Variants in EYA2 observed in about 807,000 individuals in gnomAD.
The protein encoded by EYA2 is protein phosphatase EYA2.
A neutral mutation model predicts 69.2 loss-of-function variants in EYA2; 31 were observed. The ratio of observed to expected loss-of-function variants is 0.45; its 90% CI spans 0.34 to 0.60. The LOEUF is 0.60. Among genes scored for constraint, EYA2 ranks in the 20% least tolerant of loss-of-function variants. EYA2 has a pLI of 0.02. For synonymous variants in EYA2, 257 were observed against 279.4 expected (o/e 0.92, Z 0.80); for missense variants, 622 against 701.2 (o/e 0.89, Z 1.28).
intron 5 of EYA2, among the ~76,000 whole-genome samples, chr20:47,036,786 G>A (rs937111156): frequency 6.6e-6 from 1 of 152,056 alleles, no homozygotes; most frequent in East Asian, 1.9e-4. Context: ...CCAAGTACAG[G>A]GGTTCAGAAT....
At chr20:47,099,223 G>T (rs979311374) in intron 9 of EYA2, among the ~76,000 whole-genome samples, 11 of 152,198 alleles carry the variant, frequency 7.2e-5, no homozygotes, top group Admixed American at 7.2e-4. Flanking sequence ...CCTGGAAATT[G>T]TCTCCTTGCA....
At position 46,912,808 on chromosome 20, in the gene EYA2, C is replaced by A. The variant is rs575871409; in HGVS notation, c.-11+17821C>A. Among the ~76,000 whole-genome samples, 16 of 151,338 alleles carry A rather than the reference C, an allele frequency of 1.1e-4. No homozygotes were observed. The South Asian group carries it at 3.4e-3, about 32-fold the overall frequency. ...CTCCGCTTCCCGGGTTCACGCCATT[C>A]TCCTGCCTCAGCCTCCCGAGTAGCT... On this transcript the variant is annotated intron_variant, in intron 1 of 15. Transcript: ENST00000327619.
At chr20:46,919,376 C>CA (rs1985078436) in intron 1 of EYA2, among the ~76,000 whole-genome samples, 1 of 152,238 alleles carries the variant, frequency 6.6e-6, no homozygotes, top group South Asian at 2.1e-4. Context: ...GTGTAGCCAC[C>CA]TTCATCACTG....
At chr20:47,147,502 C>T (rs1257511564) in intron 10 of EYA2, among the ~76,000 whole-genome samples, 1 of 152,102 alleles carries the variant, frequency 6.6e-6, no homozygotes, top group Non-Finnish European at 1.5e-5. Context: ...AGGAAACCAG[C>T]AAGACTGAAG....
At chr20:46,994,748 TC>T (rs1981904735) in intron 2 of EYA2, among the ~76,000 whole-genome samples, 1 of 151,654 alleles carries the variant, frequency 6.6e-6, no homozygotes, top group South Asian at 2.1e-4. Flanking sequence ...AGAACAGAAA[TC>T]CCGCTTTGTG....
rs543779746 is a variant in EYA2, at chr20:47,023,100, A to G, written c.415+6803A>G. Among the ~76,000 whole-genome samples, 15 of 152,210 alleles carry G rather than the reference A, an allele frequency of 9.9e-5. No homozygotes were observed. The South Asian group carries it at 2.9e-3, about 29-fold the overall frequency. On this transcript the variant is annotated intron_variant, in intron 5 of 15. Coordinates refer to ENST00000327619, the MANE Select transcript of EYA2 (RefSeq NM_005244.5). ...GGTTACACATTTACCTAGTTCGGGCATCTGTGGAAATCTTTCTTCTACCCT... is the reference window on the plus strand; with the variant it reads ...GGTTACACATTTACCTAGTTCGGGCGTCTGTGGAAATCTTTCTTCTACCCT...
At chr20:46,971,691 G>A (rs1980155993) in intron 1 of EYA2, among the ~76,000 whole-genome samples, 1 of 152,160 alleles carries the variant, frequency 6.6e-6, no homozygotes, top group East Asian at 1.9e-4. Context: ...GGGACTATGG[G>A]GAACTTATCT....
chr20:47,072,403 T>A, intron 6 of EYA2, 151 bp downstream of exon 6: 2 of 705,236 alleles, frequency 2.8e-6, no homozygotes, highest in Non-Finnish European at 4.9e-6. Context: ...GGCTAGATTG[T>A]GCAAAAGGCT....
At chr20:46,960,411 G>A (rs1048239393) in intron 1 of EYA2, among the ~76,000 whole-genome samples, 1 of 152,092 alleles carries the variant, frequency 6.6e-6, no homozygotes, top group Admixed American at 6.5e-5. Context: ...ACTGAGTGCC[G>A]GGTGCTGCCT....
rs574725064 is a variant in EYA2, at chr20:47,084,724, C to T, written c.662-4515C>T. 8.5e-5 allele frequency among the ~76,000 whole-genome samples: 13 copies of T among 152,186 alleles called. No individual in the cohort carries two copies. In the South Asian group the frequency reaches 2.7e-3, roughly 32 times the overall value. On this transcript the variant is annotated intron_variant, in intron 7 of 15. Transcript: ENST00000327619. ...ACATACCCACTGGAATGGCTTTAAT[C>T]ACAAAGACGGACCATACCAAGGGCT...
intron 1 of EYA2, among the ~76,000 whole-genome samples, chr20:46,927,426 T>C (rs1985464835): frequency 6.6e-6 from 1 of 152,216 alleles, no homozygotes; most frequent in South Asian, 2.1e-4. Flanking sequence ...GTTCTCACGC[T>C]GCTAATAAAT....
At position 47,097,155 on chromosome 20, in the gene EYA2, C is replaced by A. The variant is rs2032272209; in HGVS notation, c.875C>A (p.Ser292Tyr). The A allele has an allele frequency of 6.2e-7, 1 of 1,610,048 alleles. No homozygotes were observed. Among genetic ancestry groups the A allele is most frequent in the Admixed American group, 1.7e-5 (1 of 59,378 alleles). ...TCCTTACTCACGGGGACATTTGCAT[C>A]CAGATACGGGAAGGTAAGAATCCAT... Reference protein sequence around the residue: ...FHSLLTGTFASRYGKDTTTSV... With the variant: ...FHSLLTGTFAYRYGKDTTTSV... The change falls in exon 9 of 16, where the codon TCC (serine) becomes TAC (tyrosine). Residue 292 changes from serine to tyrosine, a missense_variant. Physicochemically the swap from Ser to Tyr is moderately radical, Grantham distance 144 (BLOSUM62 -2). Around this residue, in one of 2 missense-constraint regions of EYA2, gnomAD observed 257 missense variants for 351.5 expected, o/e 0.73. Transcript: ENST00000327619.
At chr20:47,169,472 C>G (rs1600765865) in intron 11 of EYA2, among the ~76,000 whole-genome samples, 1 of 151,854 alleles carries the variant, frequency 6.6e-6, no homozygotes, top group East Asian at 1.9e-4. Flanking sequence ...ATAGTGAGAC[C>G]CCCATCTCTA....
intron 1 of EYA2, among the ~76,000 whole-genome samples, chr20:46,988,116 A>G (rs1981412403): frequency 6.8e-6 from 1 of 147,070 alleles, no homozygotes; most frequent in African/African-American, 2.5e-5. Context: ...GATGATTTAA[A>G]GTATATGGGA....
intron 3 of EYA2, among the ~76,000 whole-genome samples, chr20:47,003,294 A>G (rs1243370759): frequency 2.0e-5 from 3 of 152,226 alleles, no homozygotes; most frequent in Non-Finnish European, 2.9e-5. Context: ...AAGGCTTATC[A>G]CAGTTGTGGT....
intron 15 of EYA2, among the ~76,000 whole-genome samples, chr20:47,187,347 T>C (rs1449162177): frequency 2.7e-5 from 4 of 148,944 alleles, no homozygotes; most frequent in Non-Finnish European, 4.4e-5. Flanking sequence ...CTAGCCTGTC[T>C]CAAAAGAAAG....
chr20:47,134,504 T>C (rs1377778824), intron 9 of EYA2, among the ~76,000 whole-genome samples: 1 of 152,176 alleles, frequency 6.6e-6, no homozygotes, highest in Non-Finnish European at 1.5e-5. Context: ...TAAACAGTCA[T>C]TAATTTATTG....
intron 10 of EYA2, 50 bp downstream of exon 10, chr20:47,143,198 A>T (rs762264147): frequency 9.7e-6 from 14 of 1,448,996 alleles, no homozygotes; most frequent in Non-Finnish European, 1.3e-5. Context: ...AATCACCTGC[A>T]TCTAGTTTAT....
At chr20:46,933,584 T>G (rs1199413979) in intron 1 of EYA2, among the ~76,000 whole-genome samples, 2 of 152,224 alleles carry the variant, frequency 1.3e-5, no homozygotes, top group Non-Finnish European at 2.9e-5. Flanking sequence ...GAAGCAACTC[T>G]GGACACAGCT....
Sources: gnomAD v4.1 joint callset for allele counts (sites outside exome capture counted in the v4.1 genomes callset) on GRCh38, gnomAD v4.1.1 for gene constraint, gnomAD v4.1.1 regional missense constraint, MANE v1.5 for transcripts, NCBI Gene and HGNC (gene_info 2026-07-23, HGNC 2026-07-21) for gene names.